Variants in SKI observed in about 807,000 individuals in gnomAD.
The protein encoded by SKI is ski oncogene.
Under a neutral mutation model 59.3 loss-of-function variants are expected in SKI, and 23 were observed. The ratio of observed to expected loss-of-function variants is 0.39; its 90% CI spans 0.28 to 0.55. SKI has a LOEUF of 0.55. SKI is among the 20% of genes least tolerant of loss of function. SKI has a pLI of 0.67. For synonymous variants in SKI, 673 were observed against 488.6 expected (o/e 1.38, Z -4.98); for missense variants, 1,017 against 1,038.9 (o/e 0.98, Z 0.29).
chr1:2,306,866 C>T lies in SKI; in HGVS notation c.*101C>T. ...GGCTCCGCCCCTGCAGCCCACACAG[C>T]ACAACGTCTTACCGTGCCTATTACC... On this transcript the variant is annotated 3_prime_UTR_variant, in exon 7 of 7. Transcript: ENST00000378536. The T allele has an allele frequency of 1.2e-6, 1 of 802,990 alleles. No homozygotes were observed. The highest frequency in any genetic ancestry group is 1.7e-6 in the Non-Finnish European group (1 of 590,074). 49.7% of individuals were successfully genotyped at this position (802,990 alleles called of 1,614,324 possible).
intron 1 of SKI, among the ~76,000 whole-genome samples, chr1:2,299,518 G>A (rs1291686866): frequency 2.0e-5 from 3 of 152,184 alleles, no homozygotes; most frequent in South Asian, 2.1e-4. Flanking sequence ...CCTCTGCGGC[G>A]TCTCCCTCGG....
In SKI at chr1:2,277,834, G is replaced by A. The variant is rs140323839; in HGVS notation, c.970-25144G>A. ...CACTCACGCACACACCTGCACTCAC[G>A]CACTCAGGACCGACGGACATACGTG... is the stretch of plus-strand genomic sequence containing the variant. On this transcript the variant is annotated intron_variant, in intron 1 of 6. Transcript: ENST00000378536. Among the ~76,000 whole-genome samples, 547 of 134,774 alleles carry A rather than the reference G, an allele frequency of 4.1e-3. 2 individuals are homozygous for A. Among genetic ancestry groups the A allele is most frequent in the African/African-American group, 0.014 (487 of 35,030 alleles). 88.4% of individuals were successfully genotyped at this position (134,774 alleles called of 152,430 possible).
chr1:2,261,446 A>G (rs1197606960), intron 1 of SKI, among the ~76,000 whole-genome samples: 1 of 152,202 alleles, frequency 6.6e-6, no homozygotes, highest in East Asian at 1.9e-4. Flanking sequence ...AGTATTTTGT[A>G]ATTTTTAGTG....
At chr1:2,235,045 ATT>A (rs34974355) in intron 1 of SKI, among the ~76,000 whole-genome samples, 9 of 135,350 alleles carry the variant, frequency 6.6e-5, no homozygotes, top group Non-Finnish European at 6.3e-5. Flanking sequence ...TTTTGTTGTT[ATT>A]TTTTTTTTTT....
chr1:2,292,187 C>T (rs1640176001), intron 1 of SKI, among the ~76,000 whole-genome samples: 1 of 152,212 alleles, frequency 6.6e-6, no homozygotes, highest in Non-Finnish European at 1.5e-5. Context: ...TTCTGCCAGT[C>T]CCCGGAGAGG....
chr1:2,256,346 C>T (rs1024240930), intron 1 of SKI, among the ~76,000 whole-genome samples: 5 of 152,232 alleles, frequency 3.3e-5, no homozygotes, highest in Non-Finnish European at 7.3e-5. Context: ...ATTTCCTCTC[C>T]ACTGTGTGTT....
chr1:2,252,251 C>T (rs1639168609), intron 1 of SKI, among the ~76,000 whole-genome samples: 1 of 152,156 alleles, frequency 6.6e-6, no homozygotes, highest in African/African-American at 2.4e-5. Context: ...TTTAGCTGCT[C>T]CGTGAAAGGT....
intron 1 of SKI, among the ~76,000 whole-genome samples, chr1:2,245,002 A>G (rs551944292): frequency 1.3e-5 from 2 of 152,358 alleles, no homozygotes; most frequent in Admixed American, 1.3e-4. Flanking sequence ...ACCTAACCTC[A>G]GAACAGCTAA....
chr1:2,249,541 AG>A (rs1463398554), intron 1 of SKI, among the ~76,000 whole-genome samples: 1 of 152,184 alleles, frequency 6.6e-6, no homozygotes, highest in Non-Finnish European at 1.5e-5. Flanking sequence ...AACCGACCCC[AG>A]GTGATTCTTA....
intron 1 of SKI, among the ~76,000 whole-genome samples, chr1:2,230,580 C>T (rs1638612672): frequency 6.6e-6 from 1 of 152,166 alleles, no homozygotes; most frequent in Non-Finnish European, 1.5e-5. Context: ...AGGGAGGCTG[C>T]TGGCCTGGCT....
chr1:2,301,359 C>A (rs757000381), intron 1 of SKI, among the ~76,000 whole-genome samples: 1 of 152,206 alleles, frequency 6.6e-6, no homozygotes, highest in South Asian at 2.1e-4. Flanking sequence ...CTGAAAAAAA[C>A]CATCCACAGC....
intron 1 of SKI, among the ~76,000 whole-genome samples, chr1:2,300,404 C>G (rs552183553): frequency 1.3e-5 from 2 of 151,854 alleles, no homozygotes; most frequent in African/African-American, 4.8e-5. Context: ...CAGGAAGGGT[C>G]ACACCAGAGG....
Position 2,303,613 on chromosome 1 carries a change from T to C in SKI, c.1211+213T>C, listed in dbSNP as rs1396427108. On this transcript the variant is annotated intron_variant, in intron 3 of 6. Transcript: ENST00000378536. This position sits in a 1 kb window ranked among gnomAD's most constrained non-coding sequence, Gnocchi z 5.6. ...GGGTGGAGTCGTGGGTGGAGCCCTG[T>C]CTGCTGGGCGCAGCTTCTTGATGTG... is the stretch of plus-strand genomic sequence containing the variant. The C allele has an allele frequency of 1.0e-5, 7 of 700,984 alleles. No homozygotes were observed. Among genetic ancestry groups the C allele is most frequent in the African/African-American group, 1.8e-5 (1 of 55,772 alleles). 43.4% of individuals were successfully genotyped at this position (700,984 alleles called of 1,614,324 possible).
intron 1 of SKI, among the ~76,000 whole-genome samples, chr1:2,231,797 A>C (rs1401980623): frequency 6.6e-6 from 1 of 151,806 alleles, no homozygotes; most frequent in Admixed American, 6.6e-5. Flanking sequence ...TCCTCTCCTC[A>C]TGCTCCTGGG....
intron 1 of SKI, chr1:2,240,509 T>C (rs988573419): frequency 1.0e-6 from 1 of 985,332 alleles, no homozygotes; most frequent in Non-Finnish European, 1.2e-6. Flanking sequence ...TGGCGGGTGG[T>C]GGCTGGTTGT....
intron 1 of SKI, among the ~76,000 whole-genome samples, chr1:2,292,440 C>T (rs1202751541): frequency 6.6e-6 from 1 of 152,184 alleles, no homozygotes; most frequent in Admixed American, 6.5e-5. Flanking sequence ...TCATCAGGGA[C>T]CTGCTGTGGG....
rs1639556461 is a variant in SKI, at chr1:2,268,926, CCT to C, written c.970-34047_970-34046del. Among the ~76,000 whole-genome samples, 1 of 151,872 alleles carries C rather than the reference CCT, an allele frequency of 6.6e-6. No homozygotes were observed. The highest frequency in any genetic ancestry group is 2.4e-5 in the African/African-American group (1 of 41,394). ...TGTCCATTTCCCTTTTCCCTCCCTC[CCT>C]CTCTTTCCTTCTCTCCTTCTCTCCC... is the stretch of plus-strand genomic sequence containing the variant. On this transcript the variant is annotated intron_variant, in intron 1 of 6. Transcript: ENST00000378536. The surrounding 1 kb of genome is among the most constrained non-coding windows in gnomAD (Gnocchi z 5.0).
At chr1:2,263,450 C>T (rs1311093362) in intron 1 of SKI, among the ~76,000 whole-genome samples, 2 of 147,808 alleles carry the variant, frequency 1.4e-5, no homozygotes, top group Admixed American at 6.7e-5. Context: ...GTTGGCCAGG[C>T]AGTCTTGAAC....
chr1:2,306,223 C>G lies in SKI; in HGVS notation c.1971C>G (p.Gly657=). The G allele has an allele frequency of 6.4e-7, 1 of 1,561,696 alleles. No homozygotes were observed. Among genetic ancestry groups the G allele is most frequent in the Non-Finnish European group, 8.7e-7 (1 of 1,154,134 alleles). The part of the protein sequence containing the change: ...ARVCDKGCEA[G]RLRAKYSAQI... ...TGTGCGACAAGGGCTGCGAGGCGGG[C>G]CGCCTGCGCGCCAAGTACTCGGCCC... Residue 657 remains glycine (G), a synonymous_variant, in exon 6 of 7, where the codon GGC becomes GGG. Transcript: ENST00000378536.
Sources: allele counts gnomAD v4.1 joint callset (sites outside exome capture counted in the v4.1 genomes callset), GRCh38; gene constraint gnomAD v4.1.1; non-coding constraint Gnocchi (gnomAD v3.1); transcripts MANE v1.5; gene names NCBI Gene and HGNC (gene_info 2026-07-23, HGNC 2026-07-21).